Variants in MAPK10 observed in about 807,000 individuals in gnomAD.
MAPK10 encodes the protein JNK3 alpha protein kinase.
MAPK10 carries 25 observed loss-of-function variants against 59.3 expected under a neutral mutation model. The observed-to-expected ratio is 0.42, with a 90% CI of 0.31 to 0.59. MAPK10 has a LOEUF of 0.59. Among genes scored for constraint, MAPK10 ranks in the 20% least tolerant of loss-of-function variants. The probability of loss-of-function intolerance (pLI) is 0.15; values close to 1 mark genes in which losing one functional copy is unlikely to be tolerated. For synonymous variants in MAPK10, 190 were observed against 200.5 expected (o/e 0.95, Z 0.44); for missense variants, 351 against 568.9 (o/e 0.62, Z 3.90).
chr4:86,502,707 A>G (rs1226441984), intron 1 of MAPK10, among the ~76,000 whole-genome samples: 1 of 152,060 alleles, frequency 6.6e-6, no homozygotes, highest in African/African-American at 2.4e-5. Context: ...CCTATAATTA[A>G]TATTCTCTTT....
intron 4 of MAPK10, among the ~76,000 whole-genome samples, chr4:86,128,373 T>C (rs1358883904): frequency 2.0e-5 from 3 of 152,062 alleles, no homozygotes; most frequent in South Asian, 4.1e-4. Flanking sequence ...CAGATGGAGG[T>C]AATTTAATCA....
At chr4:86,345,982 A>T (rs1367226116) in intron 2 of MAPK10, among the ~76,000 whole-genome samples, 1 of 152,234 alleles carries the variant, frequency 6.6e-6, no homozygotes, top group Non-Finnish European at 1.5e-5. Flanking sequence ...TCTTCAACTA[A>T]AAGAACAAGT....
At chr4:86,533,845 C>T (rs1170527534) in intron 1 of MAPK10, among the ~76,000 whole-genome samples, 1 of 152,190 alleles carries the variant, frequency 6.6e-6, no homozygotes, top group Non-Finnish European at 1.5e-5. Context: ...GACTTCATGC[C>T]CCATGGACTC....
intron 2 of MAPK10, among the ~76,000 whole-genome samples, chr4:86,324,922 A>G (rs1028563961): frequency 6.6e-6 from 1 of 151,902 alleles, no homozygotes; most frequent in Non-Finnish European, 1.5e-5. Flanking sequence ...CCATTTCAAT[A>G]TTTTTTTTAG....
Position 86,452,691 on chromosome 4 carries a change from A to G in MAPK10, c.-122+339T>C, listed in dbSNP as rs568003735. ...AAGCTTGCCTATAAAAATAGCTTGG[A>G]TAACAGATAGCTTTTTAATTAATTT... On this transcript the variant is annotated intron_variant, in intron 1 of 13. Transcript: ENST00000361569. Among the ~76,000 whole-genome samples the G allele has an allele frequency of 3.9e-5, 6 of 152,350 alleles. No individual in the cohort carries two copies. In the East Asian group the frequency reaches 1.2e-3, roughly 29 times the overall value.
intron 11 of MAPK10, among the ~76,000 whole-genome samples, chr4:86,042,394 C>G (rs1412917343): frequency 6.6e-6 from 1 of 152,034 alleles, no homozygotes. Context: ...AACCTAGAAG[C>G]TGGGTTGATA....
chr4:86,538,227 A>G lies in MAPK10; in HGVS notation c.-263+55683T>C, dbSNP rs1419206313. 2.6e-5 allele frequency among the ~76,000 whole-genome samples: 4 copies of G among 152,004 alleles called. No individual in the cohort carries two copies. The East Asian group carries it at 7.7e-4, about 29-fold the overall frequency. ...ATTGTCACAATCTTGGCTCACCGCA[A>G]CCTCTGCCTCCCAGGTTCAAGCGAT... On this transcript the variant is annotated intron_variant, in intron 1 of 4. Coordinates refer to the MAPK10 transcript ENST00000502302.
chr4:86,511,539 C>A (rs1232023631), intron 1 of MAPK10, among the ~76,000 whole-genome samples: 1 of 151,768 alleles, frequency 6.6e-6, no homozygotes, highest in Non-Finnish European at 1.5e-5. Context: ...TGCTCTCCAG[C>A]CTGGGCGATA....
intron 2 of MAPK10, among the ~76,000 whole-genome samples, chr4:86,208,192 C>G (rs1308267927): frequency 1.3e-5 from 2 of 151,988 alleles, no homozygotes; most frequent in Non-Finnish European, 2.9e-5. Context: ...CCTTCTGAAA[C>G]TATTCCAATC....
At chr4:86,079,427 G>T (rs2050179788) in intron 9 of MAPK10, 1 of 152,136 alleles carries the variant, frequency 6.6e-6, no homozygotes, top group Non-Finnish European at 1.5e-5. Context: ...TCTTTGGGGT[G>T]TTCCATTTGC....
rs761477514 is a variant in MAPK10 at position 86,400,887 on chromosome 4, G to T, written c.-121-46243C>A. Among the ~76,000 whole-genome samples the T allele has an allele frequency of 5.1e-4, 77 of 152,074 alleles. 2 individuals carry two copies. The highest frequency in any genetic ancestry group is 6.5e-4 in the Non-Finnish European group (44 of 67,920). ...TGCCATTATTCTTTTATTTTTAAAAGAATTTTATTAAATCCAAAAATACAA... is the reference window on the plus strand; with the variant it reads ...TGCCATTATTCTTTTATTTTTAAAATAATTTTATTAAATCCAAAAATACAA... On this transcript the variant is annotated intron_variant, in intron 1 of 13. Transcript: ENST00000361569.
intron 1 of MAPK10, among the ~76,000 whole-genome samples, chr4:86,425,961 ACT>A (rs1371705456): frequency 2.0e-5 from 3 of 152,166 alleles, no homozygotes; most frequent in East Asian, 3.9e-4. Flanking sequence ...ACAGAGAGAG[ACT>A]CTGTCTCAAA....
intron 2 of MAPK10, among the ~76,000 whole-genome samples, chr4:86,252,377 A>C (rs999450547): frequency 9.9e-5 from 11 of 111,060 alleles, no homozygotes; most frequent in East Asian, 8.8e-4. Context: ...ATCCAGTTTC[A>C]GCTTTCTACA....
At chr4:86,220,912 G>A (rs1242742350) in intron 2 of MAPK10, among the ~76,000 whole-genome samples, 1 of 152,102 alleles carries the variant, frequency 6.6e-6, no homozygotes, top group Non-Finnish European at 1.5e-5. Flanking sequence ...AACAACATAA[G>A]GGGCTTTTGA....
chr4:86,478,628 C>G (rs891019440), intron 1 of MAPK10, among the ~76,000 whole-genome samples: 1 of 152,208 alleles, frequency 6.6e-6, no homozygotes, highest in Non-Finnish European at 1.5e-5. Context: ...ACCATTGTTC[C>G]TGGCCTGGAC....
intron 1 of MAPK10, among the ~76,000 whole-genome samples, chr4:86,443,198 A>C (rs1749616636): frequency 6.6e-6 from 1 of 151,680 alleles, no homozygotes; most frequent in South Asian, 2.1e-4. Flanking sequence ...TGCAATTTTT[A>C]CCTCCAGGAG....
Position 86,016,840 on chromosome 4 carries a change from A to C in MAPK10, c.*388T>G. 4.9e-6 allele frequency: 1 copy of C among 202,456 alleles called. No individual in the cohort carries two copies. The highest frequency in any genetic ancestry group is 1.0e-5 in the Non-Finnish European group (1 of 97,978). The allele number at this position is 202,456 out of a possible 1,614,324, so 12.5% of individuals were successfully genotyped here. ...GAGCAGGTAGATGCAAGATAGAGAC[A>C]CACACATGCTGGATGGGGCCACTGC... On this transcript the variant is annotated 3_prime_UTR_variant, in exon 14 of 14. Coordinates refer to ENST00000641462, the MANE Select transcript of MAPK10 (RefSeq NM_138982.4).
chr4:86,152,070 G>A (rs1333410021), intron 4 of MAPK10: 1 of 152,166 alleles, frequency 6.6e-6, no homozygotes, highest in Non-Finnish European at 1.5e-5. Context: ...GCCCAGGCTG[G>A]AGTTCCGCCC....
intron 11 of MAPK10, among the ~76,000 whole-genome samples, chr4:86,050,275 A>C (rs758130738): frequency 1.5e-4 from 23 of 152,148 alleles, no homozygotes; most frequent in Admixed American, 2.6e-4. Flanking sequence ...TATCTTACTT[A>C]CTTACATATT....
Sources: allele counts gnomAD v4.1 joint callset (sites outside exome capture counted in the v4.1 genomes callset), GRCh38; gene constraint gnomAD v4.1.1; transcripts MANE v1.5; gene names NCBI Gene and HGNC (gene_info 2026-07-23, HGNC 2026-07-21).